The following ELAVL2 variants were observed in gnomAD, a reference collection of about 807,000 sequenced individuals.
ELAVL2 encodes the protein ELAV like RNA binding protein 2.
Under a neutral mutation model 34.6 loss-of-function variants are expected in ELAVL2, and 4 were observed. The observed-to-expected ratio is 0.12, with a 90% confidence interval of 0.06 to 0.26. The LOEUF (loss-of-function observed/expected upper bound fraction) is 0.26. Ranked by LOEUF, ELAVL2 falls within the 10% of genes least tolerant of loss-of-function variation. The probability of loss-of-function intolerance (pLI) is 1.00; values close to 1 mark genes in which losing one functional copy is unlikely to be tolerated. For synonymous variants in ELAVL2, 193 were observed against 154.8 expected (o/e 1.25, Z -1.83); for missense variants, 432 against 442.8 (o/e 0.98, Z 0.22).
intron 1 of ELAVL2, among the ~76,000 whole-genome samples, chr9:23,772,054 T>C (rs766760443): frequency 5.9e-5 from 9 of 152,206 alleles, no homozygotes; most frequent in South Asian, 2.1e-4. Flanking sequence ...CTCAGTTTTG[T>C]GGCAGAGGTT....
At chr9:23,729,013 T>A (rs1205045585) in intron 3 of ELAVL2, among the ~76,000 whole-genome samples, 1 of 152,122 alleles carries the variant, frequency 6.6e-6, no homozygotes, top group Non-Finnish European at 1.5e-5. Flanking sequence ...CTTCCACATA[T>A]TCAGCCCAAG....
chr9:23,694,546 G>C (rs1204405706), intron 5 of ELAVL2, among the ~76,000 whole-genome samples: 1 of 152,194 alleles, frequency 6.6e-6, no homozygotes, highest in Non-Finnish European at 1.5e-5. Context: ...CTGGGACTGG[G>C]GGTGGGGGTG....
upstream of ELAVL2, chr9:23,826,363 T>C (rs1196388879): frequency 6.6e-6 from 1 of 152,352 alleles, no homozygotes; most frequent in Non-Finnish European, 1.5e-5. Flanking sequence ...CGCGCGGAAG[T>C]ATACGCCGAA....
chr9:23,826,002 A>T lies in ELAVL2; in HGVS notation c.-212T>A, dbSNP rs2065272159. On this transcript the variant is annotated 5_prime_UTR_variant, in exon 1 of 7. Transcript: ENST00000397312. ...ATGCTAAAAGAAATGGCGAAAAAAA[A>T]TATGAAAGGGGAGGGGAAACTTAAA... The T allele has an allele frequency of 1.3e-5, 2 of 152,226 alleles. No individual in the cohort carries two copies. Among genetic ancestry groups the T allele is most frequent in the African/African-American group, 4.8e-5 (2 of 41,470 alleles). 9.4% of individuals were successfully genotyped at this position (152,226 alleles called of 1,614,324 possible). A position where few individuals can be genotyped will look rare whatever the true frequency, so the allele number is the denominator to read the frequency against.
At chr9:23,757,256 C>T (rs865829868) in intron 2 of ELAVL2, among the ~76,000 whole-genome samples, 5 of 152,132 alleles carry the variant, frequency 3.3e-5, no homozygotes, top group African/African-American at 1.2e-4. Context: ...CTCTGGATAA[C>T]TCTGTAAAAA....
intron 2 of ELAVL2, among the ~76,000 whole-genome samples, chr9:23,761,586 A>G (rs2055018141): frequency 6.6e-6 from 1 of 152,086 alleles, no homozygotes; most frequent in African/African-American, 2.4e-5. Context: ...TTTATCATAT[A>G]TAAGCAAAAT....
chr9:23,749,713 A>G (rs1265400768), intron 2 of ELAVL2, among the ~76,000 whole-genome samples: 1 of 152,136 alleles, frequency 6.6e-6, no homozygotes, highest in Non-Finnish European at 1.5e-5. Context: ...CATTTCATTT[A>G]AAGTGTGTTC....
chr9:23,702,147 T>C (rs921312026), intron 4 of ELAVL2, among the ~76,000 whole-genome samples: 4 of 152,186 alleles, frequency 2.6e-5, no homozygotes, highest in African/African-American at 9.6e-5. Flanking sequence ...TAATATTGCA[T>C]AGGATATAGG....
At chr9:23,702,973 A>AAAAAAAAAAAAAAAAAAAC (rs1563957516) in intron 4 of ELAVL2, among the ~76,000 whole-genome samples, 1 of 145,314 alleles carries the variant, frequency 6.9e-6, no homozygotes, top group Admixed American at 7.1e-5. Context: ...AAAAAAAAAA[A>AAAAAAAAAAAAAAAAAAAC]AAAAAAAACA....
chr9:23,802,360 C>T (rs2061668516), intron 1 of ELAVL2, among the ~76,000 whole-genome samples: 1 of 152,164 alleles, frequency 6.6e-6, no homozygotes, highest in Non-Finnish European at 1.5e-5. Context: ...ACAGAGAAAG[C>T]AAGCCCCAAG....
At chr9:23,728,576 GA>G (rs2045819832) in intron 3 of ELAVL2, among the ~76,000 whole-genome samples, 1 of 152,074 alleles carries the variant, frequency 6.6e-6, no homozygotes, top group African/African-American at 2.4e-5. Flanking sequence ...TGCTGTGTAA[GA>G]AAGTGGTGCT....
chr9:23,713,564 G>A (rs2041565508), intron 3 of ELAVL2, among the ~76,000 whole-genome samples: 1 of 152,062 alleles, frequency 6.6e-6, no homozygotes, highest in Non-Finnish European at 1.5e-5. Flanking sequence ...ATTCCTACCG[G>A]TAGCTCTCTG....
At chr9:23,779,120 A>C in intron 1 of ELAVL2, 1 of 911,998 alleles carries the variant, frequency 1.1e-6, no homozygotes, top group Non-Finnish European at 1.3e-6. Flanking sequence ...TTGAATTAAC[A>C]TTAAATTTCC....
chr9:23,767,977 G>A (rs2056628913), intron 1 of ELAVL2, among the ~76,000 whole-genome samples: 1 of 152,070 alleles, frequency 6.6e-6, no homozygotes, highest in East Asian at 1.9e-4. Context: ...TGTTGCTCCA[G>A]CCACTCCATT....
At chr9:23,698,224 A>T (rs1025727735) in intron 5 of ELAVL2, among the ~76,000 whole-genome samples, 1 of 152,212 alleles carries the variant, frequency 6.6e-6, no homozygotes, top group Non-Finnish European at 1.5e-5. Context: ...TTTAATTCTG[A>T]TATCATGTCC....
intron 5 of ELAVL2, among the ~76,000 whole-genome samples, chr9:23,700,986 G>GT (rs2036998727): frequency 6.6e-6 from 1 of 152,138 alleles, no homozygotes; most frequent in South Asian, 2.1e-4. Flanking sequence ...TTTGGACCAG[G>GT]TAACTTCTGG....
the ELAVL2 span, among the ~76,000 whole-genome samples, chr9:23,833,245 A>G: frequency 5.3e-5 from 8 of 151,848 alleles, no homozygotes; most frequent in African/African-American, 1.7e-4. Context: ...ATTTTAATGA[A>G]TTCCAGCATT....
At chr9:23,719,447 C>T (rs1342943496) in intron 3 of ELAVL2, among the ~76,000 whole-genome samples, 1 of 152,190 alleles carries the variant, frequency 6.6e-6, no homozygotes, top group Non-Finnish European at 1.5e-5. Flanking sequence ...TTTTACAATT[C>T]CCCTCAGACA....
the ELAVL2 span, among the ~76,000 whole-genome samples, chr9:23,842,637 T>C: frequency 6.6e-6 from 1 of 152,110 alleles, no homozygotes; most frequent in Non-Finnish European, 1.5e-5. Flanking sequence ...GGATACTAAA[T>C]AGCTAACTCC....
Sources: allele counts gnomAD v4.1 joint callset (sites outside exome capture counted in the v4.1 genomes callset), GRCh38; gene constraint gnomAD v4.1.1; transcripts MANE v1.5; gene names NCBI Gene and HGNC (gene_info 2026-07-23, HGNC 2026-07-21).